Variants in PLAAT3 observed in about 807,000 individuals in gnomAD.
PLAAT3 encodes phospholipase A and acyltransferase 3, also known as Ca-independent phospholipase A1/2.
PLAAT3 carries 21 observed loss-of-function variants against 16.7 expected under a neutral mutation model. That is an observed-to-expected ratio of 1.26 (90% confidence interval 0.89 to 1.81). PLAAT3 has a LOEUF of 1.81. Among genes scored for constraint, PLAAT3 ranks in the 40% most tolerant of loss-of-function variants. The pLI, the probability that PLAAT3 is intolerant of heterozygous loss-of-function variation, is 0.00. For missense variants in PLAAT3, 219 were observed against 213.7 expected, an observed-to-expected ratio of 1.02 and a Z score of -0.16; for synonymous variants, 76 against 81.7, an observed-to-expected ratio of 0.93 and a Z score of 0.38.
chr11:63,599,977 G>A (rs1214310035), intron 2 of PLAAT3, among the ~76,000 whole-genome samples: 1 of 152,080 alleles, frequency 6.6e-6, no homozygotes, highest in African/African-American at 2.4e-5. Context: ...CATAGAACAT[G>A]CTGCCTTTAT....
chr11:63,606,581 G>T (rs1323745021), intron 2 of PLAAT3, among the ~76,000 whole-genome samples: 1 of 152,172 alleles, frequency 6.6e-6, no homozygotes, highest in East Asian at 1.9e-4. Flanking sequence ...GGGGCACGGG[G>T]TGCAATAGGA....
At chr11:63,592,489 T>C (rs1938177690) in intron 3 of PLAAT3, among the ~76,000 whole-genome samples, 1 of 152,174 alleles carries the variant, frequency 6.6e-6, no homozygotes, top group East Asian at 1.9e-4. Flanking sequence ...AGTTCCTTCT[T>C]TTAAAAAGTG....
intron 2 of PLAAT3, among the ~76,000 whole-genome samples, chr11:63,611,010 C>A (rs1938678599): frequency 6.6e-6 from 1 of 152,028 alleles, no homozygotes; most frequent in Non-Finnish European, 1.5e-5. Flanking sequence ...ATAAAAGCCG[C>A]AAAAGCCCAC....
chr11:63,601,214 C>G (rs1221926789), intron 2 of PLAAT3, among the ~76,000 whole-genome samples: 2 of 151,308 alleles, frequency 1.3e-5, no homozygotes, highest in Non-Finnish European at 2.9e-5. Context: ...GCCACCACAT[C>G]CGGCTATTTT....
At chr11:63,589,971 A>T in intron 4 of PLAAT3, 129 bp downstream of exon 4, 20 of 806,726 alleles carry the variant, frequency 2.5e-5, no homozygotes, top group Non-Finnish European at 3.9e-5. Context: ...CCCAACTGTG[A>T]CATCCTCAAG....
At chr11:63,615,028 G>GTATA (rs1565259459), upstream of PLAAT3, among the ~76,000 whole-genome samples, 83 of 32,236 alleles carry the variant, frequency 2.6e-3, 8 homozygotes, top group African/African-American at 6.2e-3. Flanking sequence ...ATATATATAT[G>GTATA]TGTGTATATA....
intron 3 of PLAAT3, among the ~76,000 whole-genome samples, chr11:63,592,851 CA>C (rs1237378764): frequency 1.3e-5 from 2 of 152,196 alleles, no homozygotes; most frequent in Non-Finnish European, 2.9e-5. Flanking sequence ...AGCTTCCTTC[CA>C]GCTCTAATTT....
intron 2 of PLAAT3, among the ~76,000 whole-genome samples, chr11:63,611,912 GCA>G (rs1938701934): frequency 6.6e-6 from 1 of 152,226 alleles, no homozygotes; most frequent in Non-Finnish European, 1.5e-5. Context: ...GCCGAGGCGG[GCA>G]CATCACCTGA....
upstream of PLAAT3, among the ~76,000 whole-genome samples, chr11:63,614,882 G>A (rs879497747): frequency 1.3e-5 from 2 of 150,806 alleles, no homozygotes; most frequent in Admixed American, 6.6e-5. Context: ...GGGCGTGGAG[G>A]CATGCGCCTG....
chr11:63,590,520 G>A, intron 3 of PLAAT3, 152 bp from the exon 4 acceptor site: 1 of 639,384 alleles, frequency 1.6e-6, no homozygotes, highest in Non-Finnish European at 2.7e-6. Flanking sequence ...GGGCCTTGGG[G>A]AAGGTGTGTG....
chr11:63,600,583 G>T (rs1428346962), intron 2 of PLAAT3, among the ~76,000 whole-genome samples: 11 of 132,622 alleles, frequency 8.3e-5, no homozygotes, highest in Non-Finnish European at 1.6e-4. Context: ...TGGTTTTTTT[G>T]TTTTTTTTGT....
intron 4 of PLAAT3, among the ~76,000 whole-genome samples, chr11:63,587,483 T>A (rs1182229568): frequency 1.3e-5 from 2 of 151,500 alleles, no homozygotes; most frequent in Non-Finnish European, 2.9e-5. Context: ...AAATGATTAA[T>A]CAAATGTGAG....
At chr11:63,613,876 G>C (rs1938757000) in intron 2 of PLAAT3, 124 bp downstream of exon 2, 2 of 671,602 alleles carry the variant, frequency 3.0e-6, no homozygotes, top group East Asian at 2.8e-5. Flanking sequence ...GCAGCTGACA[G>C]AGGTGCGGGC....
chr11:63,615,501 G>A (rs991139952), upstream of PLAAT3, among the ~76,000 whole-genome samples: 1 of 151,708 alleles, frequency 6.6e-6, no homozygotes, highest in African/African-American at 2.4e-5. Context: ...GGTGCAAGAA[G>A]ACCCCTTTTC....
intron 4 of PLAAT3, among the ~76,000 whole-genome samples, chr11:63,577,557 A>C (rs1312217279): frequency 4.6e-5 from 7 of 152,150 alleles, no homozygotes; most frequent in Non-Finnish European, 7.3e-5. Context: ...AGACAAAAAA[A>C]AAATAGCAAT....
At chr11:63,576,624 G>A (rs1277637058) in intron 4 of PLAAT3, among the ~76,000 whole-genome samples, 1 of 151,898 alleles carries the variant, frequency 6.6e-6, no homozygotes, top group African/African-American at 2.4e-5. Context: ...ATGAGGTGAG[G>A]TACTGTTTAT....
intron 4 of PLAAT3, among the ~76,000 whole-genome samples, chr11:63,582,728 C>A (rs1183273448): frequency 6.6e-6 from 1 of 152,138 alleles, no homozygotes; most frequent in Non-Finnish European, 1.5e-5. Flanking sequence ...CTATGTGTTT[C>A]CTGACATTAA....
chr11:63,589,883 G>A (rs1938096100), intron 4 of PLAAT3, among the ~76,000 whole-genome samples: 3 of 151,852 alleles, frequency 2.0e-5, no homozygotes, highest in Admixed American at 1.3e-4. Flanking sequence ...CCTTTCCTTG[G>A]CCACCCACCC....
intron 4 of PLAAT3, among the ~76,000 whole-genome samples, chr11:63,589,599 G>A (rs972287131): frequency 1.3e-5 from 2 of 152,160 alleles, no homozygotes; most frequent in Non-Finnish European, 2.9e-5. Flanking sequence ...AGACAGTGCT[G>A]TTTATAAGCA....
Sources: allele counts gnomAD v4.1 joint callset (sites outside exome capture counted in the v4.1 genomes callset), GRCh38; gene constraint gnomAD v4.1.1; transcripts MANE v1.5; gene names NCBI Gene and HGNC (gene_info 2026-07-23, HGNC 2026-07-21).